The following SBF2 variants were observed in gnomAD, a reference collection of about 807,000 sequenced individuals.
SBF2 encodes the protein myotubularin-related protein 13.
Under a neutral mutation model 225.2 loss-of-function variants are expected in SBF2, and 112 were observed. The ratio of observed to expected loss-of-function variants is 0.50; its 90% CI spans 0.43 to 0.58. The LOEUF (loss-of-function observed/expected upper bound fraction) is 0.58. Ranked by LOEUF, SBF2 falls within the 20% of genes least tolerant of loss-of-function variation. The pLI, the probability that SBF2 is intolerant of heterozygous loss-of-function variation, is 0.00. For synonymous variants in SBF2, 763 were observed against 773.3 expected (o/e 0.99, Z 0.22); for missense variants, 1,996 against 2,206.2 (o/e 0.90, Z 1.91).
chr11:9,803,957 C>T (rs72853205), intron 32 of SBF2, among the ~76,000 whole-genome samples: 41,002 of 151,820 alleles, frequency 0.27, 5,848 homozygotes, highest in South Asian at 0.32. Flanking sequence ...CTGTGTAAAC[C>T]CAGAAAGGCT....
chr11:10,054,133 A>C (rs957110063), intron 2 of SBF2, among the ~76,000 whole-genome samples: 24 of 152,336 alleles, frequency 1.6e-4, no homozygotes, highest in South Asian at 4.1e-4. Flanking sequence ...ACTTAACTGA[A>C]ATGGGTCACC....
At chr11:10,287,877 A>T (rs1293614887) in intron 1 of SBF2, among the ~76,000 whole-genome samples, 5 of 152,168 alleles carry the variant, frequency 3.3e-5, no homozygotes, top group Admixed American at 6.5e-5. Context: ...TCAGGCGTGG[A>T]GTGGTGAGGG....
intron 13 of SBF2, among the ~76,000 whole-genome samples, chr11:9,988,531 AT>A (rs1947287709): frequency 1.3e-5 from 2 of 152,224 alleles, no homozygotes; most frequent in East Asian, 3.8e-4. Context: ...ACTATCCAGA[AT>A]CTACAACAAA....
chr11:10,027,737 A>G (rs1949101875), intron 6 of SBF2, among the ~76,000 whole-genome samples: 1 of 152,184 alleles, frequency 6.6e-6, no homozygotes, highest in African/African-American at 2.4e-5. Flanking sequence ...AAGCTGTCCA[A>G]GGTACAGTGG....
At chr11:9,783,411 A>G (rs1214794863) in intron 38 of SBF2, among the ~76,000 whole-genome samples, 14 of 152,234 alleles carry the variant, frequency 9.2e-5, no homozygotes, top group Admixed American at 9.2e-4. Flanking sequence ...TACAGGAGTA[A>G]CAGTTCAGGT....
At chr11:10,075,433 G>A (rs1362230886) in intron 2 of SBF2, among the ~76,000 whole-genome samples, 1 of 152,184 alleles carries the variant, frequency 6.6e-6, no homozygotes, top group Non-Finnish European at 1.5e-5. Context: ...TAGTTGATAT[G>A]GTTTGGTTCT....
At chr11:10,094,191 C>T (rs936337510) in intron 2 of SBF2, among the ~76,000 whole-genome samples, 6 of 151,972 alleles carry the variant, frequency 3.9e-5, no homozygotes, top group African/African-American at 7.2e-5. Flanking sequence ...TTAGTGGTGG[C>T]GCATGCCTGT....
At position 9,846,892 on chromosome 11, in the gene SBF2, C is replaced by T. The variant is rs1322008312; in HGVS notation, c.2934+64G>A. The T allele has an allele frequency of 1.3e-5, 21 of 1,567,944 alleles. No homozygotes were observed. In the African/African-American group the frequency reaches 2.3e-4, roughly 17 times the overall value. ...CTGAGCACATGACCACACAAAATGG[C>T]CATAATATCATTTGACTTTTGAAAA... On this transcript the variant is annotated intron_variant, in intron 23 of 39. Coordinates refer to ENST00000256190, the MANE Select transcript of SBF2 (RefSeq NM_030962.4).
intron 1 of SBF2, among the ~76,000 whole-genome samples, chr11:10,223,399 TTATATATATATATATATA>T (rs3074175): frequency 0.034 from 2,005 of 59,296 alleles, 114 homozygotes; most frequent in African/African-American, 0.1. Flanking sequence ...ATTTTGCACA[TTATATATATATATATATA>T]TATATATATA....
intron 2 of SBF2, among the ~76,000 whole-genome samples, chr11:10,063,381 A>T (rs986388220): frequency 8.0e-5 from 12 of 149,678 alleles, no homozygotes; most frequent in African/African-American, 2.2e-4. Flanking sequence ...TTTTTGAGAC[A>T]GAGTCTTGCT....
rs1295204137 is a variant in SBF2 at position 9,959,936 on chromosome 11, T to C, written c.1860+2021A>G. ...CTGCCTTTTAAGATACTTAAATCTT[T>C]TGCTCATTTTCAAGTTAGGTTGTCT... On this transcript the variant is annotated intron_variant, in intron 16 of 39. Coordinates refer to ENST00000256190, the MANE Select transcript of SBF2 (RefSeq NM_030962.4). 5 of 313,098 alleles carry C rather than the reference T, an allele frequency of 1.6e-5. No individual in the cohort carries two copies. The Admixed American group carries it at 2.0e-4, about 13-fold the overall frequency. The allele number at this position is 313,098 out of a possible 1,614,324, so 19.4% of individuals were successfully genotyped here. A position where few individuals can be genotyped will look rare whatever the true frequency, so the allele number is the denominator to read the frequency against.
intron 13 of SBF2, among the ~76,000 whole-genome samples, chr11:9,984,591 T>C (rs1401457875): frequency 1.3e-5 from 2 of 152,126 alleles, no homozygotes; most frequent in African/African-American, 4.8e-5. Flanking sequence ...CACCTGGAAA[T>C]TCATTGCAAA....
chr11:10,172,703 G>C (rs1956250103), intron 2 of SBF2, among the ~76,000 whole-genome samples: 1 of 151,332 alleles, frequency 6.6e-6, no homozygotes, highest in Non-Finnish European at 1.5e-5. Flanking sequence ...GTCTCACTCT[G>C]TCGCCCAGGC....
intron 17 of SBF2, among the ~76,000 whole-genome samples, chr11:9,876,860 T>C (rs1228268437): frequency 6.6e-6 from 1 of 152,096 alleles, no homozygotes; most frequent in Non-Finnish European, 1.5e-5. Context: ...TGCCTCAGCC[T>C]CCTGAGTAGC....
intron 33 of SBF2, among the ~76,000 whole-genome samples, chr11:9,793,666 C>T (rs1852905717): frequency 6.6e-6 from 1 of 152,050 alleles, no homozygotes; most frequent in African/African-American, 2.4e-5. Context: ...GCTGGGATTA[C>T]AGGCGTGAAC....
rs761357466 is a variant in SBF2, at chr11:9,808,937, C to G, written c.4221G>C (p.Leu1407Phe). Residue 1407 changes from leucine (L) to phenylalanine (F), a missense_variant, in exon 31 of 40, where the codon TTG becomes TTC. Coordinates refer to ENST00000256190, the MANE Select transcript of SBF2 (RefSeq NM_030962.4). The stretch of plus-strand genomic sequence containing the variant: ...TGTCCCAGCCTTCCTCCAAACAGAC[C>G]AAAACTGAGGAACCATTCTCAAGTA... ...SEVLENGSSVLVCLEEGWDIT... is the reference protein window; with the variant it reads ...SEVLENGSSVFVCLEEGWDIT... 6.2e-7 allele frequency: 1 copy of G among 1,613,952 alleles called. No individual in the cohort carries two copies. The highest frequency in any genetic ancestry group is 1.3e-5 in the African/African-American group (1 of 75,000).
At chr11:9,849,289 A>C (rs1856762130) in intron 22 of SBF2, among the ~76,000 whole-genome samples, 1 of 152,242 alleles carries the variant, frequency 6.6e-6, no homozygotes. Flanking sequence ...AGAGGAAAAT[A>C]AAGTCCAGAA....
chr11:9,912,726 A>G (rs1186347351), intron 16 of SBF2, among the ~76,000 whole-genome samples: 1 of 152,210 alleles, frequency 6.6e-6, no homozygotes, highest in African/African-American at 2.4e-5. Flanking sequence ...ACTCCTACTT[A>G]TTTTAAAAAA....
At chr11:9,830,747 A>AC (rs1554914835) in intron 27 of SBF2, among the ~76,000 whole-genome samples, 1 of 149,756 alleles carries the variant, frequency 6.7e-6, no homozygotes, top group Non-Finnish European at 1.5e-5. Context: ...CTCAAAAACA[A>AC]AAAAAAAAAA....
Sources: gnomAD v4.1 joint callset for allele counts (sites outside exome capture counted in the v4.1 genomes callset) on GRCh38, gnomAD v4.1.1 for gene constraint, MANE v1.5 for transcripts, NCBI Gene and HGNC (gene_info 2026-07-23, HGNC 2026-07-21) for gene names.